GARRE1: variants seen among roughly 807,000 people sequenced by gnomAD.
The protein encoded by GARRE1 is granule associated Rac and RHOG effector protein 1.
GARRE1 carries 49 observed loss-of-function variants against 103.2 expected under a neutral mutation model. The observed-to-expected ratio is 0.47, with a 90% CI of 0.38 to 0.60. GARRE1 has a LOEUF of 0.60. Ranked by LOEUF, GARRE1 falls within the 20% of genes least tolerant of loss-of-function variation. GARRE1 has a pLI of 0.00. For missense variants in GARRE1, 1,199 were observed against 1,370.5 expected (o/e 0.87, Z 1.98); for synonymous variants, 505 against 532.8 (o/e 0.95, Z 0.72).
intron 1 of GARRE1, among the ~76,000 whole-genome samples, chr19:34,287,190 G>A (rs981883161): frequency 2.0e-5 from 3 of 151,280 alleles, no homozygotes; most frequent in Admixed American, 6.6e-5. Context: ...AGATTGATTC[G>A]TTAGATTTGG....
rs1437203727 is a variant in GARRE1, at chr19:34,300,120, A to G, written c.-354A>G. The G allele has an allele frequency of 4.7e-6, 1 of 210,806 alleles. No homozygotes were observed. Among genetic ancestry groups the G allele is most frequent in the Non-Finnish European group, 9.4e-6 (1 of 106,668 alleles). 13.1% of individuals were successfully genotyped at this position (210,806 alleles called of 1,614,324 possible). A position where few individuals can be genotyped will look rare whatever the true frequency, so the allele number is the denominator to read the frequency against. On this transcript the variant is annotated 5_prime_UTR_variant, in exon 2 of 14. Transcript: ENST00000299505. ...ATATTACATTTTTAAACGTTAAGTT[A>G]TTTTTCTGCCATTGTAAATACAAGT...
chr19:34,262,705 A>C lies in GARRE1; in HGVS notation c.-796+8091A>C, dbSNP rs1317883724. ...TTCCTGATGAAGTCCAAGCACACTA[A>C]GATCCTCTGACTTCATGAAAAACCA... On this transcript the variant is annotated intron_variant, in intron 1 of 13. Coordinates refer to ENST00000299505, the MANE Select transcript of GARRE1 (RefSeq NM_014686.5). Among the ~76,000 whole-genome samples, 4 of 152,178 alleles carry C rather than the reference A, an allele frequency of 2.6e-5. No individual in the cohort carries two copies. The East Asian group carries it at 5.8e-4, about 22-fold the overall frequency.
intron 2 of GARRE1, among the ~76,000 whole-genome samples, chr19:34,304,101 T>C (rs34564108): frequency 0.099 from 15,027 of 151,860 alleles, 901 homozygotes; most frequent in East Asian, 0.19. Flanking sequence ...TTGTAATTTT[T>C]TTTTTTTTTT....
At chr19:34,298,262 A>G (rs539382885) in intron 1 of GARRE1, among the ~76,000 whole-genome samples, 11 of 152,018 alleles carry the variant, frequency 7.2e-5, no homozygotes, top group African/African-American at 2.4e-4. Flanking sequence ...CAAAAAATAC[A>G]AAAATTAACC....
At chr19:34,322,912 C>A (rs1326651649) in intron 3 of GARRE1, among the ~76,000 whole-genome samples, 2 of 151,438 alleles carry the variant, frequency 1.3e-5, no homozygotes, top group African/African-American at 4.9e-5. Flanking sequence ...TTAAACTATC[C>A]CAGCAGGCAA....
At chr19:34,295,909 T>G (rs1234673601) in intron 1 of GARRE1, among the ~76,000 whole-genome samples, 2 of 152,200 alleles carry the variant, frequency 1.3e-5, no homozygotes, top group Non-Finnish European at 2.9e-5. Flanking sequence ...TCACCATTTA[T>G]TGAAGAGACT....
At chr19:34,338,873 A>G (rs982544528) in intron 8 of GARRE1, among the ~76,000 whole-genome samples, 10 of 152,156 alleles carry the variant, frequency 6.6e-5, no homozygotes, top group African/African-American at 2.2e-4. Context: ...TCTGGCCCCT[A>G]TATGAAGGAT....
chr19:34,320,468 G>A (rs909183180), intron 3 of GARRE1, among the ~76,000 whole-genome samples: 2 of 152,226 alleles, frequency 1.3e-5, no homozygotes, highest in Non-Finnish European at 2.9e-5. Context: ...GGACCAGTGA[G>A]AAGAGGCTGG....
chr19:34,331,883 C>T (rs1019297391), intron 7 of GARRE1, among the ~76,000 whole-genome samples: 3 of 151,580 alleles, frequency 2.0e-5, no homozygotes, highest in Admixed American at 1.3e-4. Flanking sequence ...CCCAGCTACT[C>T]GAGAGGCTTA....
intron 1 of GARRE1, among the ~76,000 whole-genome samples, chr19:34,255,951 C>T (rs528175101): frequency 1.3e-5 from 2 of 151,772 alleles, no homozygotes. Context: ...GAGCGATTCT[C>T]CTGCTTTAGT....
chr19:34,254,642 C>T (rs1335703311), intron 1 of GARRE1, 28 bp downstream of exon 1: 1 of 51,340 alleles, frequency 1.9e-5, no homozygotes, highest in African/African-American at 7.1e-5. Flanking sequence ...CGGGCGCAGG[C>T]GGGGGCTGGC....
chr19:34,262,589 C>T (rs2073726004), intron 1 of GARRE1, among the ~76,000 whole-genome samples: 1 of 152,096 alleles, frequency 6.6e-6, no homozygotes, highest in South Asian at 2.1e-4. Flanking sequence ...AGTCACCTCG[C>T]CTGGCCTCTG....
Position 34,342,215 on chromosome 19 carries a change from T to C in GARRE1, c.2281T>C (p.Ser761Pro). Residue 761 changes from serine to proline, a missense_variant, in exon 10 of 14, where the codon TCC (serine) becomes CCC (proline). Ser to Pro is a moderately conservative substitution (Grantham distance 74). Transcript: ENST00000299505. ...RAPGKWVHGS[S>P]QQPAQAVGAG... ...ACCTGGGAAATGGGTACATGGCTCA[T>C]CCCAGCAGCCAGCGCAGGCTGTTGG... is the stretch of plus-strand genomic sequence containing the variant. 6.2e-7 allele frequency: 1 copy of C among 1,614,210 alleles called. No individual in the cohort carries two copies. Among genetic ancestry groups the C allele is most frequent in the South Asian group, 1.1e-5 (1 of 91,076 alleles).
rs2074186162 is a variant in GARRE1 at position 34,341,682 on chromosome 19, A to G, written c.1748A>G (p.Asn583Ser). Residue 583 changes from asparagine (N) to serine (S), a missense_variant, in exon 10 of 14, where the codon AAT becomes AGT. Physicochemically the swap from Asn to Ser is conservative, Grantham distance 46. Transcript: ENST00000299505. ...CSEEKAKMPGNIDTRLQSILN... is the reference protein window; with the variant it reads ...CSEEKAKMPGSIDTRLQSILN... ...GAAGAGAAGGCCAAAATGCCTGGCA[A>G]TATTGATACAAGGTTACAAAGCATT... is the stretch of plus-strand genomic sequence containing the variant. The G allele has an allele frequency of 1.9e-6, 3 of 1,614,118 alleles. No individual in the cohort carries two copies. The highest frequency in any genetic ancestry group is 1.7e-5 in the Admixed American group (1 of 60,006).
intron 1 of GARRE1, among the ~76,000 whole-genome samples, chr19:34,269,835 G>T (rs576336400): frequency 1.4e-4 from 22 of 152,256 alleles, no homozygotes; most frequent in Middle Eastern, 3.4e-3. Context: ...TTCAGTTTTT[G>T]CATGTCTTCA....
At chr19:34,311,945 G>A (rs1486717302) in intron 2 of GARRE1, among the ~76,000 whole-genome samples, 1 of 151,736 alleles carries the variant, frequency 6.6e-6, no homozygotes, top group Non-Finnish European at 1.5e-5. Flanking sequence ...TATTGGTTTT[G>A]GGTTTGATTT....
rs757412778 is a variant in GARRE1, at chr19:34,327,847, C to T, written c.923C>T (p.Ala308Val). ...GCCGGCTTCCACCTGAATCCAAAGG[C>T]GATTGAAGCAAGTTTGCAGGTACAC... Reference protein sequence around the residue: ...MKAGFHLNPKAIEASLQGCCS... With the variant: ...MKAGFHLNPKVIEASLQGCCS... The change falls in exon 5 of 14, where the codon GCG becomes GTG. Residue 308 changes from alanine (A) to valine (V), a missense_variant. By Grantham distance (64) the Ala-to-Val change is moderately conservative. Transcript: ENST00000299505. The T allele has an allele frequency of 2.0e-5, 33 of 1,614,054 alleles. No homozygotes were observed. Among genetic ancestry groups the T allele is most frequent in the Non-Finnish European group, 2.8e-5 (33 of 1,180,022 alleles).
chr19:34,345,951 A>G (rs1252746643), intron 10 of GARRE1, among the ~76,000 whole-genome samples: 1 of 152,240 alleles, frequency 6.6e-6, no homozygotes, highest in African/African-American at 2.4e-5. Flanking sequence ...CTGCACCTGA[A>G]GTCCATGGTG....
chr19:34,307,111 G>A (rs1311927855), intron 2 of GARRE1, among the ~76,000 whole-genome samples: 1 of 152,174 alleles, frequency 6.6e-6, no homozygotes, highest in Non-Finnish European at 1.5e-5. Context: ...CTAAAACAGA[G>A]TGAATGGAAG....
Sources: gnomAD v4.1 joint callset for allele counts (sites outside exome capture counted in the v4.1 genomes callset) on GRCh38, gnomAD v4.1.1 for gene constraint, MANE v1.5 for transcripts, NCBI Gene and HGNC (gene_info 2026-07-23, HGNC 2026-07-21) for gene names.